The following LRP12 variants were observed in gnomAD, a reference collection of about 807,000 sequenced individuals.
LRP12 encodes LDL receptor related protein 12, also known as low-density lipoprotein receptor-related protein 12.
Under a neutral mutation model 66.0 loss-of-function variants are expected in LRP12, and 14 were observed. The ratio of observed to expected loss-of-function variants is 0.21; its 90% CI spans 0.14 to 0.33. LRP12 has a LOEUF of 0.33. Among genes scored for constraint, LRP12 ranks in the 10% least tolerant of loss-of-function variants. LRP12 has a pLI of 1.00. For synonymous variants in LRP12, 357 were observed against 359.1 expected, an observed-to-expected ratio of 0.99 and a Z score of 0.07; for missense variants, 889 against 1,053.4, an observed-to-expected ratio of 0.84 and a Z score of 2.16.
chr8:104,573,015 T>C (rs1160208852), intron 1 of LRP12, among the ~76,000 whole-genome samples: 1 of 152,068 alleles, frequency 6.6e-6, no homozygotes, highest in East Asian at 1.9e-4. Flanking sequence ...GTAGAAAAAA[T>C]AATGTTAAGT....
chr8:104,578,761 G>A (rs1485017231), intron 1 of LRP12, among the ~76,000 whole-genome samples: 1 of 151,942 alleles, frequency 6.6e-6, no homozygotes, highest in Non-Finnish European at 1.5e-5. Flanking sequence ...TGGGATGCAA[G>A]GTTGATTCAA....
intron 5 of LRP12, among the ~76,000 whole-genome samples, chr8:104,496,750 T>C (rs1810733382): frequency 6.6e-6 from 1 of 152,210 alleles, no homozygotes; most frequent in South Asian, 2.1e-4. Flanking sequence ...CAGGAGCTGG[T>C]AAATAGATGG....
chr8:104,500,706 CAAAA>C (rs1810815432), intron 3 of LRP12, among the ~76,000 whole-genome samples: 1 of 150,908 alleles, frequency 6.6e-6, no homozygotes, highest in African/African-American at 2.5e-5. Context: ...CCGTCTCAAA[CAAAA>C]CAAAACCAAA....
intron 2 of LRP12, among the ~76,000 whole-genome samples, chr8:104,527,925 C>T (rs1811266016): frequency 6.6e-6 from 1 of 152,112 alleles, no homozygotes; most frequent in Non-Finnish European, 1.5e-5. Context: ...TAATATTTTA[C>T]TCACCACTTA....
At chr8:104,566,535 T>C (rs1012455334) in intron 1 of LRP12, 1 of 153,606 alleles carries the variant, frequency 6.5e-6, no homozygotes, top group Admixed American at 6.5e-5. Context: ...AGAAGTGATA[T>C]ACAAAATATT....
chr8:104,548,628 T>TATTATATAATTAAATTAATTATATA (rs1811676054), intron 1 of LRP12, among the ~76,000 whole-genome samples: 2 of 114,526 alleles, frequency 1.7e-5, no homozygotes, highest in African/African-American at 4.0e-5. Context: ...ATTATATAAT[T>TATTATATAATTAAATTAATTATATA]ATTATATAAT....
intron 1 of LRP12, among the ~76,000 whole-genome samples, chr8:104,559,629 T>TA (rs141326459): frequency 0.025 from 3,695 of 150,724 alleles, 109 homozygotes; most frequent in African/African-American, 0.066. Flanking sequence ...CTTTTTTAAT[T>TA]AAAAAAAAAT....
intron 1 of LRP12, among the ~76,000 whole-genome samples, chr8:104,576,053 T>G (rs1045659208): frequency 1.3e-5 from 2 of 151,818 alleles, no homozygotes; most frequent in Non-Finnish European, 2.9e-5. Flanking sequence ...TGAAACAAGA[T>G]AGTCAGACAA....
chr8:104,496,895 G>T, intron 5 of LRP12, 77 bp downstream of exon 5: 1 of 1,338,054 alleles, frequency 7.5e-7, no homozygotes. Context: ...AAAATACATT[G>T]CTAATCATCA....
At chr8:104,554,716 A>G (rs976066012) in intron 1 of LRP12, among the ~76,000 whole-genome samples, 3 of 152,168 alleles carry the variant, frequency 2.0e-5, no homozygotes, top group African/African-American at 7.2e-5. Context: ...GGGAATAATC[A>G]AGGAAAACTT....
intron 1 of LRP12, among the ~76,000 whole-genome samples, chr8:104,580,760 A>C (rs180837099): frequency 2.0e-5 from 3 of 152,248 alleles, no homozygotes; most frequent in African/African-American, 7.2e-5. Flanking sequence ...AGAATGGCTA[A>C]TTATTAAAAG....
chr8:104,543,698 G>A (rs563688911), intron 1 of LRP12, among the ~76,000 whole-genome samples: 1 of 152,294 alleles, frequency 6.6e-6, no homozygotes, highest in Non-Finnish European at 1.5e-5. Flanking sequence ...AAGGTGGGTG[G>A]ATCACCTGAG....
chr8:104,531,285 T>C (rs1461759543), intron 2 of LRP12, among the ~76,000 whole-genome samples: 1 of 152,068 alleles, frequency 6.6e-6, no homozygotes, highest in African/African-American at 2.4e-5. Context: ...ACAGCAAAAA[T>C]GGTAACGGAG....
intron 1 of LRP12, among the ~76,000 whole-genome samples, chr8:104,565,588 G>GGT (rs1419629845): frequency 6.6e-6 from 1 of 152,018 alleles, no homozygotes; most frequent in Non-Finnish European, 1.5e-5. Context: ...GGCCGGGCGC[G>GGT]GTGGCTCACG....
At chr8:104,584,541 T>C (rs993704434) in intron 1 of LRP12, among the ~76,000 whole-genome samples, 1 of 152,180 alleles carries the variant, frequency 6.6e-6, no homozygotes, top group Admixed American at 6.6e-5. Flanking sequence ...CCCTTTTATG[T>C]TCTTCAAAAG....
At chr8:104,581,665 C>T (rs1194547997) in intron 1 of LRP12, among the ~76,000 whole-genome samples, 1 of 152,054 alleles carries the variant, frequency 6.6e-6, no homozygotes, top group Non-Finnish European at 1.5e-5. Flanking sequence ...GTCACTCTGG[C>T]TACTGCTAAG....
chr8:104,572,177 C>T (rs1449785324), intron 1 of LRP12, among the ~76,000 whole-genome samples: 2 of 152,136 alleles, frequency 1.3e-5, no homozygotes, highest in Admixed American at 6.5e-5. Context: ...TTGGACAATT[C>T]CATTTATATG....
At chr8:104,542,265 G>A (rs1588497861) in intron 1 of LRP12, among the ~76,000 whole-genome samples, 1 of 152,208 alleles carries the variant, frequency 6.6e-6, no homozygotes, top group East Asian at 1.9e-4. Flanking sequence ...CTCTTTTCAT[G>A]TGCTTAACAG....
intron 1 of LRP12, among the ~76,000 whole-genome samples, chr8:104,582,603 T>C (rs1424128960): frequency 6.6e-6 from 1 of 152,200 alleles, no homozygotes; most frequent in African/African-American, 2.4e-5. Flanking sequence ...TAAAAAGTTA[T>C]GTTCTATACT....
Sources: gnomAD v4.1 joint callset for allele counts (sites outside exome capture counted in the v4.1 genomes callset) on GRCh38, gnomAD v4.1.1 for gene constraint, MANE v1.5 for transcripts, NCBI Gene and HGNC (gene_info 2026-07-23, HGNC 2026-07-21) for gene names.